The following RABGAP1L variants were observed in gnomAD, a reference collection of about 807,000 sequenced individuals.
RABGAP1L encodes the protein RAB GTPase activating protein 1 like, also known as rab GTPase-activating protein 1-like.
In RABGAP1L, 63 loss-of-function variants were observed where a neutral mutation model predicts 137.7. The observed-to-expected ratio is 0.46, with a 90% CI of 0.37 to 0.56. RABGAP1L has a LOEUF of 0.56. Ranked by LOEUF, RABGAP1L falls within the 20% of genes least tolerant of loss-of-function variation. The pLI is 0.00. For synonymous variants in RABGAP1L, 431 were observed against 433.7 expected, an observed-to-expected ratio of 0.99 and a Z score of 0.08; for missense variants, 1,095 against 1,244.0, an observed-to-expected ratio of 0.88 and a Z score of 1.80.
chr1:174,262,390 ATTG>A (rs772652055), intron 7 of RABGAP1L, among the ~76,000 whole-genome samples: 2 of 152,202 alleles, frequency 1.3e-5, no homozygotes, highest in African/African-American at 2.4e-5. Flanking sequence ...GAAAACATAT[ATTG>A]TTGTCTGTAA....
chr1:174,318,326 G>C (rs1384656921), intron 11 of RABGAP1L, among the ~76,000 whole-genome samples: 1 of 152,046 alleles, frequency 6.6e-6, no homozygotes, highest in African/African-American at 2.4e-5. Flanking sequence ...GTTTTTATTT[G>C]CATGGGATAA....
At chr1:174,797,244 T>C (rs991447861) in intron 18 of RABGAP1L, among the ~76,000 whole-genome samples, 2 of 152,052 alleles carry the variant, frequency 1.3e-5, no homozygotes, top group African/African-American at 4.8e-5. Flanking sequence ...TCCCTACCCT[T>C]TAAAAAGTCA....
intron 19 of RABGAP1L, among the ~76,000 whole-genome samples, chr1:174,869,619 G>A (rs1427328074): frequency 6.6e-6 from 1 of 152,136 alleles, no homozygotes; most frequent in East Asian, 1.9e-4. Flanking sequence ...AGAAAACCAA[G>A]GAGTGAGACA....
intron 17 of RABGAP1L, among the ~76,000 whole-genome samples, chr1:174,740,864 A>AT (rs1558035618): frequency 1.3e-5 from 2 of 151,772 alleles, no homozygotes; most frequent in Non-Finnish European, 2.9e-5. Context: ...GTTTGTATTT[A>AT]TTTTTTTGAG....
At chr1:174,892,054 G>A (rs987953384) in intron 19 of RABGAP1L, among the ~76,000 whole-genome samples, 1 of 152,174 alleles carries the variant, frequency 6.6e-6, no homozygotes, top group South Asian at 2.1e-4. Flanking sequence ...AGTCCGGGTG[G>A]GCATGGTGGC....
intron 1 of RABGAP1L, among the ~76,000 whole-genome samples, chr1:174,194,639 G>C (rs975188998): frequency 6.6e-6 from 1 of 152,182 alleles, no homozygotes; most frequent in Non-Finnish European, 1.5e-5. Flanking sequence ...CAGGAAAAGT[G>C]CTAAGATTGT....
chr1:174,696,145 G>T (rs1447269428), intron 15 of RABGAP1L, among the ~76,000 whole-genome samples: 1 of 152,026 alleles, frequency 6.6e-6, no homozygotes. Context: ...TCCATTCAGG[G>T]TAGCAGGTTT....
rs114621544 is a variant in RABGAP1L at position 174,818,881 on chromosome 1, G to T, written c.2340+6921G>T. Among the ~76,000 whole-genome samples, 1,164 of 151,986 alleles carry T rather than the reference G, an allele frequency of 7.7e-3. 15 individuals carry two copies. The highest frequency in any genetic ancestry group is 0.027 in the African/African-American group (1,124 of 41,450). On this transcript the variant is annotated intron_variant, in intron 19 of 25. Transcript: ENST00000681986. ...GAAAAAAAAAAATTAGCCAGGCATG[G>T]TGACATGTGTCTGTAGTTTCAGCTA...
chr1:174,236,804 G>A (rs1455844273), intron 4 of RABGAP1L, among the ~76,000 whole-genome samples: 1 of 115,992 alleles, frequency 8.6e-6, no homozygotes, highest in African/African-American at 3.5e-5. Flanking sequence ...GCAGAGCTGA[G>A]TTCAATTCCT....
intron 13 of RABGAP1L, among the ~76,000 whole-genome samples, chr1:174,497,183 T>C (rs1286573196): frequency 6.6e-6 from 1 of 152,216 alleles, no homozygotes; most frequent in African/African-American, 2.4e-5. Context: ...TAGCAACTTC[T>C]GGTTGCCTGT....
At chr1:174,610,569 C>G (rs940803412) in intron 13 of RABGAP1L, among the ~76,000 whole-genome samples, 14 of 152,162 alleles carry the variant, frequency 9.2e-5, no homozygotes, top group South Asian at 6.2e-4. Context: ...GGTATATACC[C>G]AGTAATGGGA....
At chr1:174,251,573 TAAGAC>T (rs904163601) in intron 6 of RABGAP1L, among the ~76,000 whole-genome samples, 12 of 151,832 alleles carry the variant, frequency 7.9e-5, no homozygotes, top group African/African-American at 2.7e-4. Context: ...TCTTTTTAGA[TAAGAC>T]AAGCCATATT....
In RABGAP1L at chr1:174,701,991, C is replaced by T. The variant is rs577448156; in HGVS notation, c.2026-122C>T. ...CTTCTGTGCAGTTATACAAGACAAC[C>T]AATACTAGAATAGAGTTACAGCGAT... On this transcript the variant is annotated intron_variant, in intron 16 of 25. Transcript: ENST00000681986. The T allele has an allele frequency of 6.2e-4, 503 of 817,216 alleles. 1 individual carries two copies. The highest frequency in any genetic ancestry group is 2.8e-3 in the Middle Eastern group (12 of 4,246). 50.6% of individuals were successfully genotyped at this position (817,216 alleles called of 1,614,324 possible).
intron 13 of RABGAP1L, among the ~76,000 whole-genome samples, chr1:174,561,101 C>G (rs528955369): frequency 6.6e-6 from 1 of 152,010 alleles, no homozygotes; most frequent in Non-Finnish European, 1.5e-5. Flanking sequence ...ATGACATGAT[C>G]GTATATTTAG....
chr1:174,899,898 T>C (rs912733611), intron 19 of RABGAP1L, among the ~76,000 whole-genome samples: 1 of 149,916 alleles, frequency 6.7e-6, no homozygotes, highest in Admixed American at 6.7e-5. Context: ...GCAAATCCCA[T>C]GAGAGGAGAG....
At chr1:174,973,969 ATTGTTTTTTGTTTTT>A (rs1558297296) in intron 21 of RABGAP1L, among the ~76,000 whole-genome samples, 5 of 118,914 alleles carry the variant, frequency 4.2e-5, no homozygotes, top group East Asian at 5.1e-4. Context: ...GAGCAGTACA[ATTGTTTTTTGTTTTT>A]TTTTTTTTTT....
At chr1:174,969,223 C>A in intron 20 of RABGAP1L, 54 bp from the exon 21 acceptor site, 2 of 1,348,692 alleles carry the variant, frequency 1.5e-6, no homozygotes, top group South Asian at 1.3e-5. Flanking sequence ...CAGTTCTGTT[C>A]GTTTCTGTAT....
rs145014035 is a variant in RABGAP1L at position 174,485,912 on chromosome 1, G to A, written c.1710+91767G>A. Among the ~76,000 whole-genome samples, 178 of 152,248 alleles carry A rather than the reference G, an allele frequency of 1.2e-3. 1 individual carries two copies. Among genetic ancestry groups the A allele is most frequent in the African/African-American group, 4.2e-3 (174 of 41,538 alleles). On this transcript the variant is annotated intron_variant, in intron 13 of 25. Coordinates refer to ENST00000681986, the MANE Select transcript of RABGAP1L (RefSeq NM_001366446.1). Reference sequence around the variant, plus strand: ...TTTTCTAAATAGTTTGATTCAGATTGATATTATTTCTTCTTTAAATGTTTG... The same window carrying A: ...TTTTCTAAATAGTTTGATTCAGATTAATATTATTTCTTCTTTAAATGTTTG...
chr1:174,975,656 G>A (rs1321058164), intron 21 of RABGAP1L, among the ~76,000 whole-genome samples: 2 of 152,176 alleles, frequency 1.3e-5, no homozygotes, highest in African/African-American at 4.8e-5. Context: ...GGAAGTTTCT[G>A]TGTGAGGCTC....
Sources: gnomAD v4.1 joint callset for allele counts (sites outside exome capture counted in the v4.1 genomes callset) on GRCh38, gnomAD v4.1.1 for gene constraint, MANE v1.5 for transcripts, NCBI Gene and HGNC (gene_info 2026-07-23, HGNC 2026-07-21) for gene names.